Variants in CAMK4 observed in about 807,000 individuals in gnomAD.
CAMK4 encodes the protein calcium/calmodulin dependent protein kinase IV.
Under a neutral mutation model 44.9 loss-of-function variants are expected in CAMK4, and 22 were observed. That is an observed-to-expected ratio of 0.49 (90% CI 0.35 to 0.70). The LOEUF is 0.70. CAMK4 is among the 30% of genes least tolerant of loss of function. CAMK4 has a pLI of 0.01. For missense variants in CAMK4, 498 were observed against 586.8 expected (o/e 0.85, Z 1.56); for synonymous variants, 218 against 215.4 (o/e 1.01, Z -0.11).
chr5:111,249,666 A>ATATG (rs1242789662), intron 1 of CAMK4, among the ~76,000 whole-genome samples: 39 of 140,734 alleles, frequency 2.8e-4, no homozygotes, highest in African/African-American at 6.1e-4. Flanking sequence ...GTGTATATAT[A>ATATG]TGTGTGTGTG....
intron 1 of CAMK4, among the ~76,000 whole-genome samples, chr5:111,335,266 G>A (rs1217046097): frequency 1.3e-5 from 2 of 151,412 alleles, no homozygotes; most frequent in Non-Finnish European, 3.0e-5. Context: ...ATAGGAGAAT[G>A]CCCTTGATGC....
At chr5:111,224,364 G>T (rs1006489154), upstream of CAMK4, 6 of 1,319,198 alleles carry the variant, frequency 4.5e-6, no homozygotes, top group African/African-American at 7.8e-5. This position sits in a 1 kb window ranked among gnomAD's most constrained non-coding sequence, Gnocchi z 5.7. Flanking sequence ...GGGCGTGTGC[G>T]CGCGTGAAGG....
At chr5:111,451,305 A>G (rs1168860561) in intron 7 of CAMK4, among the ~76,000 whole-genome samples, 3 of 152,104 alleles carry the variant, frequency 2.0e-5, no homozygotes, top group African/African-American at 7.2e-5. Context: ...AGTATTTATC[A>G]ATTATTGCTT....
At chr5:111,261,717 T>C (rs935361820) in intron 1 of CAMK4, among the ~76,000 whole-genome samples, 1 of 152,122 alleles carries the variant, frequency 6.6e-6, no homozygotes, top group African/African-American at 2.4e-5. Flanking sequence ...TAATGACTTA[T>C]GCATTGATTA....
intron 4 of CAMK4, among the ~76,000 whole-genome samples, chr5:111,392,713 T>C (rs937352905): frequency 4.6e-5 from 7 of 152,278 alleles, no homozygotes; most frequent in Middle Eastern, 3.4e-3. Flanking sequence ...TGAACATATG[T>C]ACATATATAT....
intron 1 of CAMK4, among the ~76,000 whole-genome samples, chr5:111,271,368 A>G (rs1042450450): frequency 2.6e-5 from 4 of 152,230 alleles, no homozygotes; most frequent in African/African-American, 4.8e-5. Flanking sequence ...TTACATAAGA[A>G]TTCAAGGGCA....
chr5:111,455,562 G>T (rs1169818566), intron 7 of CAMK4, among the ~76,000 whole-genome samples: 1 of 152,198 alleles, frequency 6.6e-6, no homozygotes, highest in Non-Finnish European at 1.5e-5. Flanking sequence ...CAAAGGATCA[G>T]CAAATAGTGA....
At chr5:111,300,904 CAAATTGTTTGAA>C (rs771065985) in intron 1 of CAMK4, among the ~76,000 whole-genome samples, 2 of 152,130 alleles carry the variant, frequency 1.3e-5, no homozygotes, top group Non-Finnish European at 2.9e-5. Context: ...ACTTGAAAAT[CAAATTGTTTGAA>C]AACATCTCTC....
intron 1 of CAMK4, among the ~76,000 whole-genome samples, chr5:111,285,977 G>T (rs1292692273): frequency 6.6e-6 from 1 of 152,180 alleles, no homozygotes; most frequent in African/African-American, 2.4e-5. Context: ...CTACCATGCT[G>T]CCATCACCCA....
intron 1 of CAMK4, among the ~76,000 whole-genome samples, chr5:111,320,962 C>T (rs1748638649): frequency 6.6e-6 from 1 of 152,124 alleles, no homozygotes. Flanking sequence ...ATGACATTTC[C>T]TAATATCAAC....
At chr5:111,329,047 T>A (rs1475476366) in intron 1 of CAMK4, among the ~76,000 whole-genome samples, 3 of 151,914 alleles carry the variant, frequency 2.0e-5, no homozygotes, top group Admixed American at 1.3e-4. Flanking sequence ...GTGGGCTTCA[T>A]CCCTGGGTTG....
chr5:111,273,852 G>T (rs186497544), intron 1 of CAMK4, among the ~76,000 whole-genome samples: 6 of 151,060 alleles, frequency 4.0e-5, no homozygotes, highest in Admixed American at 6.6e-5. Flanking sequence ...AATATAAAAG[G>T]TGTTAACAGC....
chr5:111,378,014 G>T (rs182079275), intron 4 of CAMK4, among the ~76,000 whole-genome samples: 66 of 152,134 alleles, frequency 4.3e-4, no homozygotes, highest in Middle Eastern at 3.4e-3. Context: ...CTTTTGCCAG[G>T]GTCTGAATGT....
At chr5:111,349,759 T>C (rs1417063203) in intron 2 of CAMK4, among the ~76,000 whole-genome samples, 3 of 151,968 alleles carry the variant, frequency 2.0e-5, no homozygotes, top group Non-Finnish European at 4.4e-5. Flanking sequence ...TAAATGTGAC[T>C]TATTTTCAAG....
At chr5:111,305,036 C>G (rs1207927711) in intron 1 of CAMK4, among the ~76,000 whole-genome samples, 1 of 85,148 alleles carries the variant, frequency 1.2e-5, no homozygotes, top group Non-Finnish European at 2.4e-5. Context: ...TAAAGATGTT[C>G]TTTGAAACCA....
chr5:111,474,633 TAAA>T (rs1755174714), intron 8 of CAMK4, among the ~76,000 whole-genome samples: 1 of 152,274 alleles, frequency 6.6e-6, no homozygotes, highest in South Asian at 2.1e-4. Context: ...TGCTTTTAAT[TAAA>T]GTTGTTTTTA....
intron 5 of CAMK4, among the ~76,000 whole-genome samples, chr5:111,399,409 C>T (rs1752141469): frequency 6.6e-6 from 1 of 152,160 alleles, no homozygotes; most frequent in African/African-American, 2.4e-5. Flanking sequence ...TTTCTATTAC[C>T]ATGTGGTATG....
chr5:111,290,415 A>C lies in CAMK4; in HGVS notation c.162-53609A>C, dbSNP rs1374907725. Among the ~76,000 whole-genome samples, 3 of 152,210 alleles carry C rather than the reference A, an allele frequency of 2.0e-5. No individual in the cohort carries two copies. In the East Asian group the frequency reaches 5.8e-4, roughly 29 times the overall value. On this transcript the variant is annotated intron_variant, in intron 1 of 10. Coordinates refer to ENST00000282356, the MANE Select transcript of CAMK4 (RefSeq NM_001744.6). The surrounding 1 kb of genome is among the most constrained non-coding windows in gnomAD (Gnocchi z 4.5). ...GGAATTATACTTCATTAGGGAATTAAATTCCAGGCAGTAGGAGTGAGCAAT... is the reference window on the plus strand; with the variant it reads ...GGAATTATACTTCATTAGGGAATTACATTCCAGGCAGTAGGAGTGAGCAAT...
intron 7 of CAMK4, among the ~76,000 whole-genome samples, chr5:111,468,976 CCAA>C (rs1001501557): frequency 8.1e-5 from 12 of 148,884 alleles, no homozygotes; most frequent in Non-Finnish European, 1.3e-4. Flanking sequence ...AGATTCTGTC[CCAA>C]CAACAACAAC....
Sources: gnomAD v4.1 joint callset for allele counts (sites outside exome capture counted in the v4.1 genomes callset) on GRCh38, gnomAD v4.1.1 for gene constraint, Gnocchi (gnomAD v3.1) non-coding constraint, MANE v1.5 for transcripts, NCBI Gene and HGNC (gene_info 2026-07-23, HGNC 2026-07-21) for gene names.